The following RANBP17 variants were observed in gnomAD, a reference collection of about 807,000 sequenced individuals.
RANBP17 encodes ran-binding protein 17.
RANBP17 carries 158 observed loss-of-function variants against 141.2 expected under a neutral mutation model. That is an observed-to-expected ratio of 1.12 (90% CI 0.98 to 1.28). The LOEUF (loss-of-function observed/expected upper bound fraction) is 1.28, where lower values mean the gene tolerates loss of function less well. Ranked by LOEUF, RANBP17 falls within the 50% of genes most tolerant of loss-of-function variation. RANBP17 has a pLI of 0.00. For synonymous variants in RANBP17, 430 were observed against 450.0 expected (o/e 0.96, Z 0.56); for missense variants, 1,438 against 1,290.7 (o/e 1.11, Z -1.75).
chr5:171,197,969 G>A (rs926605923), intron 18 of RANBP17, among the ~76,000 whole-genome samples: 7 of 152,194 alleles, frequency 4.6e-5, no homozygotes, highest in African/African-American at 1.7e-4. Context: ...AACCTGAGAG[G>A]CAGAGCTTGC....
At chr5:171,273,481 G>A (rs1346030354) in intron 25 of RANBP17, among the ~76,000 whole-genome samples, 1 of 152,164 alleles carries the variant, frequency 6.6e-6, no homozygotes, top group Non-Finnish European at 1.5e-5. Context: ...GCACATCTCT[G>A]TCTAAAGGGG....
At chr5:170,901,407 T>C (rs1167665927) in intron 5 of RANBP17, among the ~76,000 whole-genome samples, 1 of 151,674 alleles carries the variant, frequency 6.6e-6, no homozygotes, top group Non-Finnish European at 1.5e-5. Flanking sequence ...GTGTGTAGGC[T>C]ATTTACAAAG....
chr5:170,916,493 C>G lies in RANBP17; in HGVS notation c.863C>G (p.Ser288Trp), dbSNP rs537305070. 6.4e-7 allele frequency: 1 copy of G among 1,568,474 alleles called. No individual in the cohort carries two copies. The highest frequency in any genetic ancestry group is 8.6e-7 in the Non-Finnish European group (1 of 1,156,694). The change falls in exon 9 of 28, where the codon TCG becomes TGG. Residue 288 changes from serine to tryptophan, a missense_variant. Transcript: ENST00000523189. ...CTTTCATGTTTAGTTCAGTTTGCTT[C>G]GACAAGAAGGTCCTTATTTAACAGT... ...LALSCLVQFA[S>W]TRRSLFNSPE...
chr5:171,174,513 A>G (rs1340420146), intron 16 of RANBP17, among the ~76,000 whole-genome samples: 1 of 152,210 alleles, frequency 6.6e-6, no homozygotes, highest in African/African-American at 2.4e-5. Context: ...AAAACGGAGA[A>G]GAGTATCACA....
At chr5:170,997,655 AT>A (rs1778907003) in intron 14 of RANBP17, among the ~76,000 whole-genome samples, 1 of 152,214 alleles carries the variant, frequency 6.6e-6, no homozygotes, top group South Asian at 2.1e-4. Flanking sequence ...AGAAAAGCGT[AT>A]ACTAATCCAG....
intron 14 of RANBP17, among the ~76,000 whole-genome samples, chr5:171,058,793 T>A (rs1783593994): frequency 6.7e-6 from 1 of 150,044 alleles, no homozygotes; most frequent in African/African-American, 2.5e-5. Flanking sequence ...GTAAAAGTGT[T>A]CCTATTTCTC....
intron 14 of RANBP17, among the ~76,000 whole-genome samples, chr5:170,994,932 A>G (rs1778719254): frequency 6.6e-6 from 1 of 152,092 alleles, no homozygotes; most frequent in African/African-American, 2.4e-5. Flanking sequence ...ACATCTAAGA[A>G]TTTGTAACTG....
chr5:170,875,957 T>C (rs144538742), intron 1 of RANBP17, among the ~76,000 whole-genome samples: 11 of 152,296 alleles, frequency 7.2e-5, no homozygotes, highest in African/African-American at 2.2e-4. Context: ...GATGCTGCTG[T>C]TGTTGCTTTC....
chr5:171,280,202 G>A (rs538085228), intron 25 of RANBP17, among the ~76,000 whole-genome samples: 4 of 152,168 alleles, frequency 2.6e-5, no homozygotes, highest in Non-Finnish European at 5.9e-5. Context: ...TAGTGTGCTG[G>A]AAATGTGAAT....
chr5:171,175,354 T>C (rs1760377689), intron 16 of RANBP17, among the ~76,000 whole-genome samples: 1 of 152,176 alleles, frequency 6.6e-6, no homozygotes, highest in Admixed American at 6.6e-5. Flanking sequence ...TTTCTGGTTC[T>C]AGATCCTTGA....
At chr5:171,039,410 A>G (rs547713668) in intron 14 of RANBP17, among the ~76,000 whole-genome samples, 34 of 149,460 alleles carry the variant, frequency 2.3e-4, no homozygotes, top group South Asian at 4.2e-4. Flanking sequence ...TCTTTTGTCT[A>G]TTTTTTTTAA....
intron 14 of RANBP17, among the ~76,000 whole-genome samples, chr5:171,132,423 T>G (rs1402368470): frequency 1.3e-5 from 2 of 151,784 alleles, no homozygotes; most frequent in Admixed American, 1.3e-4. Flanking sequence ...AAAATTTGTT[T>G]TGATAATAGT....
intron 14 of RANBP17, among the ~76,000 whole-genome samples, chr5:171,112,695 C>T (rs936979151): frequency 6.6e-6 from 1 of 151,840 alleles, no homozygotes; most frequent in African/African-American, 2.4e-5. Flanking sequence ...CTTGTGGTAA[C>T]AATGACCTGC....
intron 21 of RANBP17, 55 bp from the exon 22 acceptor site, chr5:171,221,701 ATC>A (rs1440600003): frequency 3.2e-6 from 3 of 951,798 alleles, no homozygotes; most frequent in African/African-American, 1.6e-5. Context: ...GGCATTTTAA[ATC>A]TGTGTTTGGT....
intron 14 of RANBP17, among the ~76,000 whole-genome samples, chr5:171,155,097 ATATATAT>A (rs1758793538): frequency 1.0e-5 from 1 of 100,486 alleles, no homozygotes; most frequent in South Asian, 3.2e-4. Context: ...AAAAAAAAAT[ATATATAT>A]ATATATATAT....
intron 14 of RANBP17, among the ~76,000 whole-genome samples, chr5:171,119,776 A>G (rs1208138999): frequency 6.6e-6 from 1 of 152,172 alleles, no homozygotes; most frequent in Non-Finnish European, 1.5e-5. Flanking sequence ...ATGGTGGCTT[A>G]CACCTGTAAT....
intron 14 of RANBP17, among the ~76,000 whole-genome samples, chr5:171,115,389 TA>T (rs2127765394): frequency 6.6e-6 from 1 of 152,292 alleles, no homozygotes; most frequent in African/African-American, 2.4e-5. Context: ...TCTCTCAAGA[TA>T]AAAGATAATA....
At chr5:171,037,824 T>C (rs1026375191) in intron 14 of RANBP17, among the ~76,000 whole-genome samples, 2 of 152,176 alleles carry the variant, frequency 1.3e-5, no homozygotes, top group African/African-American at 4.8e-5. Flanking sequence ...TACTGTAGCC[T>C]TATAGTGTAG....
chr5:171,245,803 T>C (rs1350447208), intron 24 of RANBP17, among the ~76,000 whole-genome samples: 2 of 152,126 alleles, frequency 1.3e-5, no homozygotes, highest in Non-Finnish European at 2.9e-5. Flanking sequence ...ACTTCCAGCT[T>C]GTAATCTTCA....
Sources: allele counts gnomAD v4.1 joint callset (sites outside exome capture counted in the v4.1 genomes callset), GRCh38; gene constraint gnomAD v4.1.1; transcripts MANE v1.5; gene names NCBI Gene and HGNC (gene_info 2026-07-23, HGNC 2026-07-21).